Variants in PDZD8 observed in about 807,000 individuals in gnomAD.
PDZD8 encodes PDZ domain-containing protein 8.
PDZD8 carries 14 observed loss-of-function variants against 85.8 expected under a neutral mutation model. The ratio of observed to expected loss-of-function variants is 0.16; its 90% CI spans 0.11 to 0.26. PDZD8 has a LOEUF of 0.26. Among genes scored for constraint, PDZD8 ranks in the 10% least tolerant of loss-of-function variants. The probability of loss-of-function intolerance (pLI) is 1.00; values close to 1 mark genes in which losing one functional copy is unlikely to be tolerated. For synonymous variants in PDZD8, 592 were observed against 568.6 expected (o/e 1.04, Z -0.59); for missense variants, 1,197 against 1,424.3 (o/e 0.84, Z 2.57).
rs577822553 is a variant in PDZD8, at chr10:117,324,736, A to G, written c.996-5762T>C. On this transcript the variant is annotated intron_variant, in intron 2 of 4. Transcript: ENST00000334464. ...AAGAATAAATTACACGGAACTGAAT[A>G]AACTGATGAGAATAATTTTTTATGA... is the stretch of plus-strand genomic sequence containing the variant. Among the ~76,000 whole-genome samples the G allele has an allele frequency of 4.6e-5, 7 of 152,370 alleles. No individual in the cohort carries two copies. In the South Asian group the frequency reaches 1.4e-3, roughly 32 times the overall value.
chr10:117,315,852 T>A (rs1451610485), intron 3 of PDZD8, among the ~76,000 whole-genome samples: 2 of 152,060 alleles, frequency 1.3e-5, no homozygotes, highest in African/African-American at 4.8e-5. Flanking sequence ...CCACAGATAT[T>A]TATAGATATT....
At chr10:117,351,424 A>C (rs1589586279) in intron 1 of PDZD8, among the ~76,000 whole-genome samples, 1 of 152,206 alleles carries the variant, frequency 6.6e-6, no homozygotes, top group African/African-American at 2.4e-5. Context: ...TACAAAGTTC[A>C]AAATCAGGCA....
chr10:117,359,537 C>T (rs1363907696), intron 1 of PDZD8, among the ~76,000 whole-genome samples: 1 of 152,026 alleles, frequency 6.6e-6, no homozygotes, highest in African/African-American at 2.4e-5. Flanking sequence ...TGGTAAAATC[C>T]CGTCTCTACT....
chr10:117,337,966 G>C (rs1020753057), intron 2 of PDZD8, among the ~76,000 whole-genome samples: 11 of 151,948 alleles, frequency 7.2e-5, no homozygotes, highest in African/African-American at 2.2e-4. Context: ...ATTTTCTCTA[G>C]TGCCTCTTTT....
chr10:117,297,287 C>T (rs1448450047), intron 3 of PDZD8, among the ~76,000 whole-genome samples: 4 of 152,118 alleles, frequency 2.6e-5, no homozygotes, highest in Non-Finnish European at 4.4e-5. Context: ...TGTGAAGCAA[C>T]TAAAACTCTC....
rs183183928 is a variant in PDZD8 at position 117,344,069 on chromosome 10, G to A, written c.873-2967C>T. Among the ~76,000 whole-genome samples the A allele has an allele frequency of 2.4e-3, 370 of 152,094 alleles. 1 individual carries two copies. The highest frequency in any genetic ancestry group is 8.6e-3 in the African/African-American group (356 of 41,472). On this transcript the variant is annotated intron_variant, in intron 1 of 4. Transcript: ENST00000334464. ...CAAAAATGTCAGTTTTCTCACTCAG[G>A]CTTCCCCGCAAAATAGTCTTAACAA...
rs1300095435 is a variant in PDZD8 at position 117,333,125 on chromosome 10, A to AACAAAAAAAC, written c.995+7854_995+7855insGTTTTTTTGT. Among the ~76,000 whole-genome samples the AACAAAAAAAC allele has an allele frequency of 8.2e-3, 1,189 of 144,802 alleles. 41 individuals are homozygous for AACAAAAAAAC. The highest frequency in any genetic ancestry group is 0.028 in the African/African-American group (1,102 of 38,964). The allele number at this position is 144,802 out of a possible 152,430, so 95.0% of individuals were successfully genotyped here. A position where few individuals can be genotyped will look rare whatever the true frequency, so the allele number is the denominator to read the frequency against. On this transcript the variant is annotated intron_variant, in intron 2 of 4. Coordinates refer to ENST00000334464, the MANE Select transcript of PDZD8 (RefSeq NM_173791.5). ...CAGAGTGGACTCTGTCTCAAAAAAAAAAAAAAAAAAAAAAAAAAGGGGATA... is the reference window on the plus strand; with the variant it reads ...CAGAGTGGACTCTGTCTCAAAAAAAAACAAAAAAACAAAAAAAAAAAAAAAAAAGGGGATA...
At chr10:117,369,379 G>C (rs1054388688) in intron 1 of PDZD8, among the ~76,000 whole-genome samples, 1 of 151,860 alleles carries the variant, frequency 6.6e-6, no homozygotes, top group Non-Finnish European at 1.5e-5. Flanking sequence ...GGCTGGTCTC[G>C]AACTCCTGAC....
chr10:117,297,000 G>A (rs1843769178), intron 3 of PDZD8, among the ~76,000 whole-genome samples: 1 of 151,998 alleles, frequency 6.6e-6, no homozygotes, highest in African/African-American at 2.4e-5. Flanking sequence ...GAAATGATAA[G>A]CCATAGATTA....
At chr10:117,306,949 G>A (rs1040808345) in intron 3 of PDZD8, among the ~76,000 whole-genome samples, 3 of 152,060 alleles carry the variant, frequency 2.0e-5, no homozygotes, top group African/African-American at 7.2e-5. Flanking sequence ...GAGTTAGAAA[G>A]CTAACATTGG....
At chr10:117,365,334 A>C (rs2133885984) in intron 1 of PDZD8, among the ~76,000 whole-genome samples, 1 of 152,302 alleles carries the variant, frequency 6.6e-6, no homozygotes, top group East Asian at 1.9e-4. Context: ...AGATACAGTA[A>C]GTTTTTTAAA....
chr10:117,325,724 C>T (rs1290917968), intron 2 of PDZD8, among the ~76,000 whole-genome samples: 1 of 152,076 alleles, frequency 6.6e-6, no homozygotes, highest in African/African-American at 2.4e-5. Context: ...AAAATCCACA[C>T]TTCATCTGTT....
At position 117,374,824 on chromosome 10, in the gene PDZD8, G is replaced by T; in HGVS notation, c.404C>A (p.Thr135Lys). The T allele has an allele frequency of 6.2e-7, 1 of 1,613,436 alleles. No individual in the cohort carries two copies. The highest frequency in any genetic ancestry group is 8.5e-7 in the Non-Finnish European group (1 of 1,179,912). The change falls in exon 1 of 5, where the codon ACG (threonine) becomes AAG (lysine). Residue 135 changes from threonine to lysine, a missense_variant. By Grantham distance (78) the Thr-to-Lys change is moderately conservative (BLOSUM62 -1). Coordinates refer to ENST00000334464, the MANE Select transcript of PDZD8 (RefSeq NM_173791.5). The surrounding 1 kb of genome is among the most constrained non-coding windows in gnomAD (Gnocchi z 7.8). Reference sequence around the variant, plus strand: ...CAGCCCCTCCAGCAGGCGCCCGGCCGTCTTGGTCTGCAGCAGCTCCTCGAA... The same window carrying T: ...CAGCCCCTCCAGCAGGCGCCCGGCCTTCTTGGTCTGCAGCAGCTCCTCGAA... ...VEFEELLQTK[T>K]AGRLLEGLSL... is the part of the protein sequence containing the mutation.
chr10:117,318,844 G>A (rs771575543), intron 3 of PDZD8, 28 bp downstream of exon 3: 1 of 1,429,788 alleles, frequency 7.0e-7, no homozygotes, highest in South Asian at 1.2e-5. Flanking sequence ...ACTTTATATA[G>A]ATATAAATCA....
chr10:117,329,451 C>T (rs1228664046), intron 2 of PDZD8, among the ~76,000 whole-genome samples: 2 of 151,936 alleles, frequency 1.3e-5, no homozygotes, highest in Non-Finnish European at 2.9e-5. Flanking sequence ...ATGATTAACC[C>T]ATTTATACCG....
At chr10:117,293,730 CACTT>C (rs1473277554) in intron 3 of PDZD8, among the ~76,000 whole-genome samples, 3 of 152,114 alleles carry the variant, frequency 2.0e-5, no homozygotes, top group Non-Finnish European at 4.4e-5. Flanking sequence ...ATTTAACTGA[CACTT>C]ATAGAACATT....
At chr10:117,311,637 G>A (rs1844038201) in intron 3 of PDZD8, among the ~76,000 whole-genome samples, 1 of 152,080 alleles carries the variant, frequency 6.6e-6, no homozygotes, top group Admixed American at 6.6e-5. Context: ...AAGGTTTCCA[G>A]AGGAAATGAT....
intron 3 of PDZD8, among the ~76,000 whole-genome samples, chr10:117,317,872 G>T (rs1230749577): frequency 6.6e-6 from 1 of 152,104 alleles, no homozygotes; most frequent in African/African-American, 2.4e-5. Context: ...GCTCCCCACT[G>T]CTTTCATAAA....
At chr10:117,365,418 A>G (rs1474038700) in intron 1 of PDZD8, among the ~76,000 whole-genome samples, 1 of 152,214 alleles carries the variant, frequency 6.6e-6, no homozygotes, top group Admixed American at 6.5e-5. Flanking sequence ...ATACATTTAG[A>G]AAAATATGGA....
Sources: allele counts gnomAD v4.1 joint callset (sites outside exome capture counted in the v4.1 genomes callset), GRCh38; gene constraint gnomAD v4.1.1; non-coding constraint Gnocchi (gnomAD v3.1); transcripts MANE v1.5; gene names NCBI Gene and HGNC (gene_info 2026-07-23, HGNC 2026-07-21).